Variants in SPIDR observed in about 807,000 individuals in gnomAD.
SPIDR encodes the protein scaffold protein involved in DNA repair, also known as DNA repair-scaffolding protein.
A neutral mutation model predicts 104.6 loss-of-function variants in SPIDR; 93 were observed. The ratio of observed to expected loss-of-function variants is 0.89; its 90% CI spans 0.75 to 1.06. The LOEUF (loss-of-function observed/expected upper bound fraction) is 1.06, where lower values mean the gene tolerates loss of function less well. Ranked by LOEUF, SPIDR falls within the 50% of genes least tolerant of loss-of-function variation. SPIDR has a pLI of 0.00. For synonymous variants in SPIDR, 431 were observed against 416.9 expected, an observed-to-expected ratio of 1.03 and a Z score of -0.41; for missense variants, 1,154 against 1,111.2, an observed-to-expected ratio of 1.04 and a Z score of -0.55.
intron 5 of SPIDR, among the ~76,000 whole-genome samples, chr8:47,299,376 T>C (rs1326682748): frequency 6.6e-6 from 1 of 152,210 alleles, no homozygotes; most frequent in Non-Finnish European, 1.5e-5. Context: ...TTTCTAGATA[T>C]ACAATCATGT....
chr8:47,574,989 C>A (rs972551667), intron 8 of SPIDR, among the ~76,000 whole-genome samples: 2 of 151,850 alleles, frequency 1.3e-5, no homozygotes, highest in African/African-American at 4.8e-5. Context: ...TTAACTTTGT[C>A]AGCATTTTCA....
In SPIDR at chr8:47,309,148, A is replaced by G. The variant is rs1290540341; in HGVS notation, c.525+15118A>G. Among the ~76,000 whole-genome samples, 3 of 152,208 alleles carry G rather than the reference A, an allele frequency of 2.0e-5. No homozygotes were observed. The South Asian group carries it at 6.2e-4, about 31-fold the overall frequency. On this transcript the variant is annotated intron_variant, in intron 5 of 19. Coordinates refer to ENST00000297423, the MANE Select transcript of SPIDR (RefSeq NM_001080394.4). ...ATCATACATTTTAGAAACCTCTCAT[A>G]TATGCTTATATAAAAACTGATAAAA...
chr8:47,470,725 A>G (rs1172050132), intron 8 of SPIDR, among the ~76,000 whole-genome samples: 1 of 152,040 alleles, frequency 6.6e-6, no homozygotes, highest in Non-Finnish European at 1.5e-5. Context: ...CTTAAAATAC[A>G]TTAAAAGACT....
intron 1 of SPIDR, among the ~76,000 whole-genome samples, chr8:47,275,758 A>G (rs2036302659): frequency 6.6e-6 from 1 of 152,232 alleles, no homozygotes; most frequent in Admixed American, 6.5e-5. Context: ...TTTTGTATTT[A>G]GTAAATATTT....
chr8:47,622,254 T>G (rs2065267466), intron 10 of SPIDR, among the ~76,000 whole-genome samples: 1 of 152,196 alleles, frequency 6.6e-6, no homozygotes, highest in African/African-American at 2.4e-5. Flanking sequence ...CAAAAAGGTC[T>G]AAAGATGGCT....
At chr8:47,502,223 C>G (rs917272171) in intron 8 of SPIDR, among the ~76,000 whole-genome samples, 2 of 152,188 alleles carry the variant, frequency 1.3e-5, no homozygotes, top group African/African-American at 4.8e-5. Context: ...ATGGTACCAG[C>G]TCCTCCTTGT....
chr8:47,726,543 C>G (rs1407423559), intron 16 of SPIDR, among the ~76,000 whole-genome samples: 3 of 152,246 alleles, frequency 2.0e-5, no homozygotes, highest in African/African-American at 7.2e-5. Flanking sequence ...CACTGACCAA[C>G]TGTGCTCACC....
At chr8:47,537,357 A>G (rs1002828628) in intron 8 of SPIDR, among the ~76,000 whole-genome samples, 2 of 152,244 alleles carry the variant, frequency 1.3e-5, no homozygotes, top group African/African-American at 4.8e-5. Context: ...GTGCATATTC[A>G]TCCACACAAT....
intron 7 of SPIDR, among the ~76,000 whole-genome samples, chr8:47,430,894 TGAA>T (rs1554688729): frequency 6.6e-6 from 1 of 152,208 alleles, no homozygotes; most frequent in African/African-American, 2.4e-5. Context: ...GTGTTTTAAA[TGAA>T]GAAGTTTTCA....
intron 5 of SPIDR, among the ~76,000 whole-genome samples, chr8:47,322,486 G>T (rs1036528064): frequency 5.3e-5 from 8 of 152,170 alleles, no homozygotes; most frequent in Admixed American, 3.3e-4. Context: ...TTACACCGTT[G>T]GTGGGACTGT....
rs538147774 is a variant in SPIDR at position 47,414,360 on chromosome 8, A to AT, written c.877+6407dup. Among the ~76,000 whole-genome samples the AT allele has an allele frequency of 4.1e-4, 63 of 152,122 alleles. 1 individual carries two copies. The highest frequency in any genetic ancestry group is 1.9e-3 in the South Asian group (9 of 4,808). ...TCCAGAATGAAGGGAGAAAAAGGTGATTTTTTTTGTTTGGCTCAAAACAAA... is the reference window on the plus strand; with the variant it reads ...TCCAGAATGAAGGGAGAAAAAGGTGATTTTTTTTTGTTTGGCTCAAAACAAA... On this transcript the variant is annotated intron_variant, in intron 7 of 19. Coordinates refer to ENST00000297423, the MANE Select transcript of SPIDR (RefSeq NM_001080394.4).
At chr8:47,524,872 A>G (rs1187676953) in intron 8 of SPIDR, among the ~76,000 whole-genome samples, 1 of 152,216 alleles carries the variant, frequency 6.6e-6, no homozygotes, top group East Asian at 1.9e-4. Flanking sequence ...GGTCTTGGGA[A>G]TTAAGATATC....
intron 8 of SPIDR, among the ~76,000 whole-genome samples, chr8:47,568,345 T>C (rs2058136991): frequency 6.6e-6 from 1 of 152,176 alleles, no homozygotes. Flanking sequence ...TGGCACAGAC[T>C]AAGTACTCAG....
At position 47,713,487 on chromosome 8, in the gene SPIDR, A is replaced by G; in HGVS notation, c.2189-2A>G. 3 of 1,614,138 alleles carry G rather than the reference A, an allele frequency of 1.9e-6. No individual in the cohort carries two copies. The highest frequency in any genetic ancestry group is 2.5e-6 in the Non-Finnish European group (3 of 1,180,020). ...AATAACCTGAAGTGTCTCTGTCGGC[A>G]GGTCGGATTGTTTGTGCTGAACGAA... On this transcript the variant is annotated splice_acceptor_variant, in intron 15 of 19. Transcript: ENST00000297423. LOFTEE classifies it high-confidence loss of function.
intron 8 of SPIDR, among the ~76,000 whole-genome samples, chr8:47,594,465 A>C (rs924742711): frequency 6.6e-6 from 1 of 152,116 alleles, no homozygotes; most frequent in Non-Finnish European, 1.5e-5. Flanking sequence ...TGAGGGGGGA[A>C]GTCCAGGTCT....
At chr8:47,351,652 C>T (rs1267789340) in intron 5 of SPIDR, among the ~76,000 whole-genome samples, 4 of 152,022 alleles carry the variant, frequency 2.6e-5, no homozygotes, top group Non-Finnish European at 5.9e-5. Flanking sequence ...AACCATGGAC[C>T]AAAAATATTT....
chr8:47,735,226 T>C, intron 19 of SPIDR, 81 bp from the exon 20 acceptor site: 7 of 1,400,772 alleles, frequency 5.0e-6, no homozygotes, highest in Non-Finnish European at 7.0e-6. Flanking sequence ...CCTTCCACTC[T>C]GGCTCTCTGG....
In SPIDR at chr8:47,734,750, C is replaced by T. The variant is rs117239498; in HGVS notation, c.2605-557C>T. On this transcript the variant is annotated intron_variant, in intron 19 of 19. Transcript: ENST00000297423. The stretch of plus-strand genomic sequence containing the variant: ...GGATGGGGGCCAAGGACTCCCTGTA[C>T]CTGTCTCATCTGGAGACGAAACTCA... Among the ~76,000 whole-genome samples, 433 of 152,280 alleles carry T rather than the reference C, an allele frequency of 2.8e-3. 1 individual carries two copies. Among genetic ancestry groups the T allele is most frequent in the Non-Finnish European group, 5.0e-3 (340 of 68,028 alleles).
intron 8 of SPIDR, among the ~76,000 whole-genome samples, chr8:47,465,201 C>T (rs928085272): frequency 7.2e-5 from 11 of 152,210 alleles, no homozygotes; most frequent in Non-Finnish European, 8.8e-5. Flanking sequence ...ACCTGACTTA[C>T]GCAAGCTTCT....
Sources: gnomAD v4.1 joint callset for allele counts (sites outside exome capture counted in the v4.1 genomes callset) on GRCh38, gnomAD v4.1.1 for gene constraint, MANE v1.5 for transcripts, NCBI Gene and HGNC (gene_info 2026-07-23, HGNC 2026-07-21) for gene names.